RALGPS2: variants seen among roughly 807,000 people sequenced by gnomAD.
The protein encoded by RALGPS2 is Ral GEF with PH domain and SH3 binding motif 2, also known as ras-specific guanine nucleotide-releasing factor RalGPS2.
In RALGPS2, 43 loss-of-function variants were observed where a neutral mutation model predicts 86.8. The observed-to-expected ratio is 0.50, with a 90% confidence interval of 0.39 to 0.64. RALGPS2 has a LOEUF of 0.64. Among genes scored for constraint, RALGPS2 ranks in the 30% least tolerant of loss-of-function variants. The pLI is 0.00. For missense variants in RALGPS2, 536 were observed against 694.6 expected, an observed-to-expected ratio of 0.77 and a Z score of 2.57; for synonymous variants, 243 against 231.3, an observed-to-expected ratio of 1.05 and a Z score of -0.46.
At position 178,919,970 on chromosome 1, in the gene RALGPS2, A is replaced by G. The variant is rs1647231539; in HGVS notation, c.*3611A>G. Reference sequence around the variant, plus strand: ...GGTGGAGTAATAGTACTGCTGTTGCATGAATAGATGATACAAAGCAAGTGA... The same window carrying G: ...GGTGGAGTAATAGTACTGCTGTTGCGTGAATAGATGATACAAAGCAAGTGA... On this transcript the variant is annotated 3_prime_UTR_variant, in exon 20 of 20. Transcript: ENST00000367635. The G allele has an allele frequency of 6.6e-6, 1 of 152,050 alleles. No homozygotes were observed. Among genetic ancestry groups the G allele is most frequent in the African/African-American group, 2.4e-5 (1 of 41,452 alleles). The allele number at this position is 152,050 out of a possible 1,614,324, so 9.4% of individuals were successfully genotyped here.
rs186338674 is a variant in RALGPS2, at chr1:178,789,633, A to G, written c.213+4026A>G. Among the ~76,000 whole-genome samples, 351 of 152,338 alleles carry G rather than the reference A, an allele frequency of 2.3e-3. 3 individuals carry two copies. The highest frequency in any genetic ancestry group is 8.0e-3 in the African/African-American group (332 of 41,576). On this transcript the variant is annotated intron_variant, in intron 4 of 19. Coordinates refer to ENST00000367635, the MANE Select transcript of RALGPS2 (RefSeq NM_152663.5). ...GTTGAGTTTGGGAATGTATACTGGC[A>G]TATATTTCCAGTCCAGTCTAGAAAT...
At chr1:178,900,711 T>G in intron 17 of RALGPS2, among the ~76,000 whole-genome samples, 1 of 151,962 alleles carries the variant, frequency 6.6e-6, no homozygotes, top group East Asian at 1.9e-4. Flanking sequence ...ATATCCCCCA[T>G]TAATACGTAA....
chr1:178,871,766 A>T (rs917259444), intron 8 of RALGPS2, among the ~76,000 whole-genome samples: 3 of 152,180 alleles, frequency 2.0e-5, no homozygotes, highest in African/African-American at 4.8e-5. Context: ...TTATTAATTG[A>T]TGTGGTGTGG....
chr1:178,822,500 A>G (rs528057658), intron 7 of RALGPS2, among the ~76,000 whole-genome samples: 1 of 146,396 alleles, frequency 6.8e-6, no homozygotes, highest in South Asian at 2.1e-4. Flanking sequence ...ACTTTTTAAA[A>G]CTTTATTACT....
At chr1:178,838,363 C>G (rs764636827) in intron 8 of RALGPS2, among the ~76,000 whole-genome samples, 2 of 152,200 alleles carry the variant, frequency 1.3e-5, no homozygotes, top group Admixed American at 6.5e-5. Flanking sequence ...ATTTGCTGTT[C>G]AGCAATATTC....
chr1:178,833,226 T>G (rs1381214222), intron 7 of RALGPS2, among the ~76,000 whole-genome samples, 198 bp from the exon 8 acceptor site: 1 of 152,102 alleles, frequency 6.6e-6, no homozygotes, highest in Non-Finnish European at 1.5e-5. Context: ...ATACAAAGGA[T>G]ATCTTATAAA....
chr1:178,852,193 A>G (rs544625733), intron 8 of RALGPS2, among the ~76,000 whole-genome samples: 1 of 152,136 alleles, frequency 6.6e-6, no homozygotes, highest in Non-Finnish European at 1.5e-5. Context: ...GCGAACCCAT[A>G]TAAAATAGCT....
At chr1:178,754,235 T>G (rs935991660) in intron 1 of RALGPS2, among the ~76,000 whole-genome samples, 5 of 150,682 alleles carry the variant, frequency 3.3e-5, no homozygotes, top group African/African-American at 1.2e-4. Context: ...TATATTTTAT[T>G]ATATATATAA....
intron 8 of RALGPS2, among the ~76,000 whole-genome samples, chr1:178,871,448 A>C (rs1003848307): frequency 3.3e-5 from 5 of 152,172 alleles, no homozygotes; most frequent in Non-Finnish European, 4.4e-5. Context: ...CAAGAGCTAG[A>C]CTTTGTCAGG....
intron 15 of RALGPS2, among the ~76,000 whole-genome samples, chr1:178,893,453 CTTT>C (rs71569219): frequency 8.6e-6 from 1 of 116,286 alleles, no homozygotes. Context: ...AGCATGTTTT[CTTT>C]TTTTTTTTTT....
chr1:178,863,563 A>G (rs947629600), intron 8 of RALGPS2, among the ~76,000 whole-genome samples: 2 of 152,202 alleles, frequency 1.3e-5, no homozygotes, highest in African/African-American at 4.8e-5. Flanking sequence ...AAGCTGAAAG[A>G]AGGTGTTTCA....
chr1:178,895,244 G>A (rs576811678), intron 16 of RALGPS2, among the ~76,000 whole-genome samples: 13 of 151,958 alleles, frequency 8.6e-5, no homozygotes, highest in Admixed American at 2.6e-4. Context: ...GAAGATATGG[G>A]GGCTTCATAT....
At chr1:178,811,194 G>A in intron 5 of RALGPS2, 121 bp from the exon 6 acceptor site, 1 of 598,188 alleles carries the variant, frequency 1.7e-6, no homozygotes, top group Non-Finnish European at 2.8e-6. Context: ...GCTATAAGTA[G>A]CACCTTTAAC....
At chr1:178,898,846 G>T (rs934227438) in intron 17 of RALGPS2, among the ~76,000 whole-genome samples, 1 of 151,812 alleles carries the variant, frequency 6.6e-6, no homozygotes, top group African/African-American at 2.4e-5. Flanking sequence ...TTGTATTCTG[G>T]TCAAATTGAC....
intron 1 of RALGPS2, among the ~76,000 whole-genome samples, chr1:178,769,710 G>A (rs1004984244): frequency 1.3e-5 from 2 of 152,158 alleles, no homozygotes; most frequent in Non-Finnish European, 2.9e-5. Context: ...ACGTCTCATT[G>A]TCCGGGAGAA....
chr1:178,740,856 GC>G (rs1216526313), intron 1 of RALGPS2, among the ~76,000 whole-genome samples: 2 of 152,104 alleles, frequency 1.3e-5, no homozygotes, highest in Non-Finnish European at 2.9e-5. Flanking sequence ...TTTTTTACCA[GC>G]CCCTGCAACC....
chr1:178,738,203 CT>C (rs1051296802), intron 1 of RALGPS2, among the ~76,000 whole-genome samples: 5,689 of 110,714 alleles, frequency 0.051, 117 homozygotes, highest in African/African-American at 0.12. Flanking sequence ...AGATGGATAT[CT>C]TTTTTTTTTT....
intron 13 of RALGPS2, among the ~76,000 whole-genome samples, chr1:178,887,482 T>A (rs955439706): frequency 1.3e-5 from 2 of 152,160 alleles, no homozygotes; most frequent in African/African-American, 4.8e-5. Flanking sequence ...GTTCATATAA[T>A]AGCTACTTTT....
rs1660822866 is a variant in RALGPS2 at position 178,916,554 on chromosome 1, CA to C, written c.*199del. The C allele has an allele frequency of 5.3e-6, 3 of 565,520 alleles. No homozygotes were observed. Among genetic ancestry groups the C allele is most frequent in the Non-Finnish European group, 9.2e-6 (3 of 326,058 alleles). 35.0% of individuals were successfully genotyped at this position (565,520 alleles called of 1,614,324 possible). Reference sequence around the variant, plus strand: ...ATTCCCAGAGAACAAATTGGAGTTGCAAAACAAACTGCCATGAACCATGCTT... The same window carrying C: ...ATTCCCAGAGAACAAATTGGAGTTGCAAACAAACTGCCATGAACCATGCTT... On this transcript the variant is annotated 3_prime_UTR_variant, in exon 20 of 20. Transcript: ENST00000367635.
Sources: allele counts gnomAD v4.1 joint callset (sites outside exome capture counted in the v4.1 genomes callset), GRCh38; gene constraint gnomAD v4.1.1; transcripts MANE v1.5; gene names NCBI Gene and HGNC (gene_info 2026-07-23, HGNC 2026-07-21).